Variants in ATP2B1 observed in about 807,000 individuals in gnomAD.
ATP2B1 encodes the protein plasma membrane calcium-transporting ATPase 1.
ATP2B1 carries 14 observed loss-of-function variants against 124.2 expected under a neutral mutation model. That is an observed-to-expected ratio of 0.11 (90% CI 0.07 to 0.18). The LOEUF (loss-of-function observed/expected upper bound fraction) is 0.18, where lower values mean the gene tolerates loss of function less well. Ranked by LOEUF, ATP2B1 falls within the 10% of genes least tolerant of loss-of-function variation. The probability of loss-of-function intolerance (pLI) is 1.00; values close to 1 mark genes in which losing one functional copy is unlikely to be tolerated. For synonymous variants in ATP2B1, 449 were observed against 492.4 expected, an observed-to-expected ratio of 0.91 and a Z score of 1.17; for missense variants, 763 against 1,466.1, an observed-to-expected ratio of 0.52 and a Z score of 7.83.
chr12:89,638,066 G>A (rs191986740), intron 3 of ATP2B1, among the ~76,000 whole-genome samples: 1 of 119,740 alleles, frequency 8.4e-6, no homozygotes, highest in Non-Finnish European at 1.8e-5. Context: ...CTTTCCTACT[G>A]ACAATGATTA....
At chr12:89,697,740 A>G (rs1000961001) in intron 1 of ATP2B1, among the ~76,000 whole-genome samples, 11 of 147,342 alleles carry the variant, frequency 7.5e-5, no homozygotes, top group African/African-American at 2.8e-4. Flanking sequence ...GTTTTTTCAA[A>G]TATCAGCAGT....
At chr12:89,630,091 CA>C (rs1881600434) in intron 6 of ATP2B1, among the ~76,000 whole-genome samples, 1 of 152,068 alleles carries the variant, frequency 6.6e-6, no homozygotes, top group Non-Finnish European at 1.5e-5. Flanking sequence ...GTCTTGTGTT[CA>C]AAAACCAAGC....
chr12:89,644,971 T>C (rs576965129), intron 2 of ATP2B1, among the ~76,000 whole-genome samples: 2 of 152,318 alleles, frequency 1.3e-5, no homozygotes, highest in East Asian at 3.9e-4. Flanking sequence ...TTATAATTCC[T>C]CTAAACTACT....
chr12:89,706,384 A>G (rs1050180325), intron 1 of ATP2B1, among the ~76,000 whole-genome samples: 13 of 152,092 alleles, frequency 8.5e-5, no homozygotes. Flanking sequence ...CAGCTAAAAA[A>G]AAAAAAAAAA....
intron 1 of ATP2B1, among the ~76,000 whole-genome samples, chr12:89,692,909 C>T (rs528407432): frequency 3.9e-5 from 6 of 152,098 alleles, no homozygotes; most frequent in Non-Finnish European, 8.8e-5. Flanking sequence ...ATCGACTAGT[C>T]TATGGTAAAA....
intron 16 of ATP2B1, 86 bp from the exon 17 acceptor site, chr12:89,604,011 G>A (rs1784147125): frequency 4.8e-6 from 7 of 1,444,504 alleles, no homozygotes. Context: ...TTAAAAACTT[G>A]AGAAACAGAA....
At chr12:89,694,683 G>C (rs1005149099) in intron 1 of ATP2B1, among the ~76,000 whole-genome samples, 4 of 152,164 alleles carry the variant, frequency 2.6e-5, no homozygotes, top group African/African-American at 7.2e-5. Context: ...GCTGTGTGCA[G>C]AAGTACAAAC....
At chr12:89,631,472 G>A (rs183748566) in intron 5 of ATP2B1, among the ~76,000 whole-genome samples, 4 of 152,094 alleles carry the variant, frequency 2.6e-5, no homozygotes, top group African/African-American at 4.8e-5. Flanking sequence ...ATTCCAGCAC[G>A]CCTTTGTAAC....
intron 2 of ATP2B1, among the ~76,000 whole-genome samples, chr12:89,643,824 T>G (rs1027257686): frequency 1.3e-5 from 2 of 152,206 alleles, no homozygotes; most frequent in African/African-American, 4.8e-5. Flanking sequence ...GCACAGTGGC[T>G]CATGCCTATA....
chr12:89,624,436 A>G, intron 8 of ATP2B1, 39 bp from the exon 9 acceptor site: 2 of 1,519,928 alleles, frequency 1.3e-6, no homozygotes, highest in Non-Finnish European at 1.8e-6. Context: ...TGATTATTAA[A>G]TTTCCAGACA....
chr12:89,645,396 T>C (rs560608565), intron 2 of ATP2B1, among the ~76,000 whole-genome samples: 10 of 152,358 alleles, frequency 6.6e-5, no homozygotes, highest in African/African-American at 2.4e-4. Flanking sequence ...GGGACTGTTC[T>C]ACATGCTGAG....
At position 89,645,934 on chromosome 12, in the gene ATP2B1, T is replaced by C. The variant is rs139463282; in HGVS notation, c.209-3579A>G. ...TGAAGGAAAAAGACCAGTTGGGAGG[T>C]TGCTGCTTATAAAGTATAGATGATG... On this transcript the variant is annotated intron_variant, in intron 2 of 20. Coordinates refer to ENST00000428670, the MANE Select transcript of ATP2B1 (RefSeq NM_001366521.1). Among the ~76,000 whole-genome samples, 16 of 152,038 alleles carry C rather than the reference T, an allele frequency of 1.1e-4. No individual in the cohort carries two copies. In the East Asian group the frequency reaches 2.9e-3, roughly 28 times the overall value.
chr12:89,693,341 G>A (rs1048235542), intron 1 of ATP2B1, among the ~76,000 whole-genome samples: 7 of 152,182 alleles, frequency 4.6e-5, no homozygotes, highest in African/African-American at 1.4e-4. Flanking sequence ...CATTGTGACA[G>A]GAGGAATGGA....
In ATP2B1 at chr12:89,610,788, C is replaced by T. The variant is rs185249878; in HGVS notation, c.2248-280G>A. The T allele has an allele frequency of 9.9e-5, 37 of 375,392 alleles. No homozygotes were observed. The East Asian group carries it at 1.3e-3, about 13-fold the overall frequency. 23.3% of individuals were successfully genotyped at this position (375,392 alleles called of 1,614,324 possible). A position where few individuals can be genotyped will look rare whatever the true frequency, so the allele number is the denominator to read the frequency against. On this transcript the variant is annotated intron_variant, in intron 13 of 20. Transcript: ENST00000428670. ...ACTGTTTTTATATATCATTATGAGA[C>T]CAAATTTAAAAAATCCCCCTACTGC... is the stretch of plus-strand genomic sequence containing the variant.
chr12:89,643,195 T>C (rs1337493698), intron 2 of ATP2B1, among the ~76,000 whole-genome samples: 2 of 150,844 alleles, frequency 1.3e-5, no homozygotes, highest in African/African-American at 2.4e-5. Flanking sequence ...TGTATATATG[T>C]ATATATGTGT....
chr12:89,654,874 C>T (rs1333158020), intron 2 of ATP2B1, among the ~76,000 whole-genome samples: 1 of 151,998 alleles, frequency 6.6e-6, no homozygotes, highest in Non-Finnish European at 1.5e-5. Context: ...AAATTGTAAT[C>T]CCCATTCATC....
intron 1 of ATP2B1, among the ~76,000 whole-genome samples, chr12:89,684,085 A>G (rs1013154220): frequency 7.2e-5 from 11 of 152,302 alleles, no homozygotes; most frequent in Admixed American, 1.3e-4. Flanking sequence ...AAAGTACAAA[A>G]CACATGCTAC....
chr12:89,665,189 C>A (rs978528429), intron 1 of ATP2B1, among the ~76,000 whole-genome samples: 4 of 152,158 alleles, frequency 2.6e-5, no homozygotes, highest in African/African-American at 7.2e-5. Flanking sequence ...AAAAATATTA[C>A]TTGAGTTGAT....
rs115319334 is a variant in ATP2B1, at chr12:89,616,120, G to A, written c.2067+682C>T. Among the ~76,000 whole-genome samples the A allele has an allele frequency of 2.3e-3, 350 of 152,110 alleles. 2 individuals are homozygous for A. The highest frequency in any genetic ancestry group is 8.1e-3 in the African/African-American group (335 of 41,498). The stretch of plus-strand genomic sequence containing the variant: ...GTTGCAATAATCACGTGTTTGGTTC[G>A]TCCCACATAAGACAGTAACTTCTTT... On this transcript the variant is annotated intron_variant, in intron 12 of 20. Coordinates refer to ENST00000428670, the MANE Select transcript of ATP2B1 (RefSeq NM_001366521.1).
Sources: allele counts gnomAD v4.1 joint callset (sites outside exome capture counted in the v4.1 genomes callset), GRCh38; gene constraint gnomAD v4.1.1; transcripts MANE v1.5; gene names NCBI Gene and HGNC (gene_info 2026-07-23, HGNC 2026-07-21).